SFMBT1: variants seen among roughly 807,000 people sequenced by gnomAD.
SFMBT1 encodes the protein Scm like with four mbt domains 1.
Under a neutral mutation model 108.7 loss-of-function variants are expected in SFMBT1, and 32 were observed. The observed-to-expected ratio is 0.29, with a 90% CI of 0.22 to 0.40. The LOEUF is 0.40. SFMBT1 is among the 10% of genes least tolerant of loss of function. The pLI is 1.00. For missense variants in SFMBT1, 816 were observed against 1,059.6 expected, an observed-to-expected ratio of 0.77 and a Z score of 3.19; for synonymous variants, 348 against 369.5, an observed-to-expected ratio of 0.94 and a Z score of 0.67.
chr3:53,034,071 C>CAAAAAAA (rs61046895), intron 1 of SFMBT1, among the ~76,000 whole-genome samples: 4 of 28,668 alleles, frequency 1.4e-4, no homozygotes, highest in Non-Finnish European at 1.9e-4. Flanking sequence ...ACTCTGTCTC[C>CAAAAAAA]AAAAAAAAAA....
rs187517892 is a variant in SFMBT1 at position 53,017,212 on chromosome 3, T to G, written c.-131+28604A>C. Among the ~76,000 whole-genome samples the G allele has an allele frequency of 4.6e-5, 7 of 152,332 alleles. No individual in the cohort carries two copies. The South Asian group carries it at 1.4e-3, about 32-fold the overall frequency. Reference sequence around the variant, plus strand: ...TGTTAGAAGATAAAGATGGGATCCATGCCTGTCTAATCTAGTGCCCATAAT... The same window carrying G: ...TGTTAGAAGATAAAGATGGGATCCAGGCCTGTCTAATCTAGTGCCCATAAT... On this transcript the variant is annotated intron_variant, in intron 1 of 20. Coordinates refer to ENST00000394752, the MANE Select transcript of SFMBT1 (RefSeq NM_016329.4).
At chr3:52,927,998 C>T (rs1416688289) in intron 9 of SFMBT1, among the ~76,000 whole-genome samples, 193 bp downstream of exon 9, 1 of 152,188 alleles carries the variant, frequency 6.6e-6, no homozygotes, top group African/African-American at 2.4e-5. Context: ...AGTTTTTTAG[C>T]TCAGTTTGTA....
At chr3:52,971,219 A>G (rs35849389) in intron 1 of SFMBT1, among the ~76,000 whole-genome samples, 13,776 of 152,184 alleles carry the variant, frequency 0.091, 640 homozygotes, top group African/African-American at 0.099. Flanking sequence ...GCAATCTGAT[A>G]CGCTACCGTA....
In SFMBT1 at chr3:52,930,231, G is replaced by C. The variant is rs1376621748; in HGVS notation, c.897+98C>G. The C allele has an allele frequency of 3.0e-5, 22 of 744,262 alleles. No individual in the cohort carries two copies. In the East Asian group the frequency reaches 5.7e-4, roughly 19 times the overall value. 46.1% of individuals were successfully genotyped at this position (744,262 alleles called of 1,614,324 possible). The stretch of plus-strand genomic sequence containing the variant: ...AGCTGCACGGCCTAGAAGGAAAAAT[G>C]GGTTGGATCAATAGAGCTTAAAGAT... On this transcript the variant is annotated intron_variant, in intron 8 of 20. Coordinates refer to ENST00000394752, the MANE Select transcript of SFMBT1 (RefSeq NM_016329.4).
chr3:52,991,342 C>CTTTTTTTTTTTTTTT (rs71087045), intron 1 of SFMBT1, among the ~76,000 whole-genome samples: 6 of 91,218 alleles, frequency 6.6e-5, no homozygotes, highest in Non-Finnish European at 6.7e-5. Flanking sequence ...GCTGAAACTT[C>CTTTTTTTTTTTTTTT]TTTTTTTTTT....
At chr3:53,037,349 G>C (rs2106969310) in intron 1 of SFMBT1, among the ~76,000 whole-genome samples, 1 of 152,304 alleles carries the variant, frequency 6.6e-6, no homozygotes, top group South Asian at 2.1e-4. Flanking sequence ...GTTGATTGAG[G>C]AGCCCAATTG....
rs1407028297 is a variant in SFMBT1 at position 52,943,673 on chromosome 3, T to TAAA, written c.124-81_124-80insTTT. 4 of 1,573,088 alleles carry TAAA rather than the reference T, an allele frequency of 2.5e-6. No homozygotes were observed. The East Asian group carries it at 8.9e-5, about 35-fold the overall frequency. On this transcript the variant is annotated intron_variant, in intron 3 of 20. Coordinates refer to ENST00000394752, the MANE Select transcript of SFMBT1 (RefSeq NM_016329.4). ...TTGACCAATGTTCTTTTTTAAGACTTACAATTCCGAAGCACTAAATGCAAT... is the reference window on the plus strand; with the variant it reads ...TTGACCAATGTTCTTTTTTAAGACTTAAAACAATTCCGAAGCACTAAATGCAAT...
intron 14 of SFMBT1, among the ~76,000 whole-genome samples, chr3:52,915,623 A>T (rs1460907125): frequency 6.6e-6 from 1 of 152,242 alleles, no homozygotes; most frequent in African/African-American, 2.4e-5. Context: ...GAAGTTAAGA[A>T]TAGTTCAAGA....
intron 1 of SFMBT1, among the ~76,000 whole-genome samples, chr3:52,986,079 G>C (rs1399828920): frequency 6.6e-6 from 1 of 150,990 alleles, no homozygotes. Flanking sequence ...GGAGGTGGAG[G>C]TTGCAGTGAG....
intron 1 of SFMBT1, among the ~76,000 whole-genome samples, chr3:52,984,766 GTGTC>G (rs1171897106): frequency 7.4e-6 from 1 of 134,818 alleles, no homozygotes; most frequent in Non-Finnish European, 1.6e-5. Context: ...GTGTGTGTGT[GTGTC>G]TATTCATACT....
At position 52,911,125 on chromosome 3, in the gene SFMBT1, C is replaced by T. The variant is rs1702205373; in HGVS notation, c.1784G>A (p.Arg595Gln). The T allele has an allele frequency of 2.5e-6, 4 of 1,613,908 alleles. No homozygotes were observed. In the Admixed American group the frequency reaches 5.0e-5, roughly 20 times the overall value. The change falls in exon 17 of 21, where the codon CGG becomes CAG. Residue 595 changes from arginine to glutamine, a missense_variant. Physicochemically the swap from Arg to Gln is conservative, Grantham distance 43. Around this residue, in one of 5 missense-constraint regions of SFMBT1, gnomAD observed 79 missense variants for 120.8 expected, o/e 0.65. Coordinates refer to ENST00000394752, the MANE Select transcript of SFMBT1 (RefSeq NM_016329.4). ...ATVEIVKTAD[R>Q]VTEFCRQTCI... is the part of the protein sequence containing the mutation. ...GGTTTGCCGGCAGAATTCAGTCACC[C>T]GATCTGCTGTTTTCACTATCTCAAC...
chr3:52,947,713 G>A (rs1006749232), intron 3 of SFMBT1, among the ~76,000 whole-genome samples: 1 of 151,580 alleles, frequency 6.6e-6, no homozygotes, highest in East Asian at 1.9e-4. Context: ...CTTTAAAAAG[G>A]TAGTGATTTT....
intron 10 of SFMBT1, among the ~76,000 whole-genome samples, chr3:52,923,069 T>G (rs920994966): frequency 2.6e-5 from 4 of 152,202 alleles, no homozygotes; most frequent in African/African-American, 9.6e-5. Context: ...AATCAGCTCT[T>G]CCTTTCAGTC....
At chr3:52,958,854 T>C (rs1377104406) in intron 2 of SFMBT1, among the ~76,000 whole-genome samples, 2 of 152,032 alleles carry the variant, frequency 1.3e-5, no homozygotes, top group Non-Finnish European at 2.9e-5. Flanking sequence ...CTATTCTCAA[T>C]AGCAAAGACA....
chr3:52,912,912 A>G (rs1035634895), intron 15 of SFMBT1, among the ~76,000 whole-genome samples: 1 of 152,214 alleles, frequency 6.6e-6, no homozygotes, highest in African/African-American at 2.4e-5. Flanking sequence ...AAATTGCTCC[A>G]GAACATGCTT....
intron 1 of SFMBT1, among the ~76,000 whole-genome samples, chr3:53,041,547 A>C (rs933496783): frequency 4.6e-5 from 7 of 152,064 alleles, no homozygotes; most frequent in African/African-American, 1.7e-4. Flanking sequence ...AAAATACCAA[A>C]ATTAGCCAGG....
intron 1 of SFMBT1, among the ~76,000 whole-genome samples, chr3:53,021,736 T>C (rs1046173419): frequency 6.6e-6 from 1 of 152,118 alleles, no homozygotes; most frequent in Non-Finnish European, 1.5e-5. Flanking sequence ...ACCCAGCCCC[T>C]TTCTATGGGA....
intron 8 of SFMBT1, among the ~76,000 whole-genome samples, chr3:52,929,160 C>G (rs1301989756): frequency 6.6e-6 from 1 of 152,186 alleles, no homozygotes; most frequent in Non-Finnish European, 1.5e-5. Context: ...AGCTTAGTGA[C>G]AAACTTAGTT....
chr3:52,931,400 T>C (rs1575382166), intron 6 of SFMBT1, among the ~76,000 whole-genome samples: 1 of 152,216 alleles, frequency 6.6e-6, no homozygotes, highest in African/African-American at 2.4e-5. Flanking sequence ...CAATTTGCTG[T>C]GACCCAATTT....
Sources: gnomAD v4.1 joint callset for allele counts (sites outside exome capture counted in the v4.1 genomes callset) on GRCh38, gnomAD v4.1.1 for gene constraint, gnomAD v4.1.1 regional missense constraint, MANE v1.5 for transcripts, NCBI Gene and HGNC (gene_info 2026-07-23, HGNC 2026-07-21) for gene names.